The following SCAPER variants were observed in gnomAD, a reference collection of about 807,000 sequenced individuals.
The protein encoded by SCAPER is S-phase cyclin A associated protein in the ER, also known as S phase cyclin A-associated protein in the endoplasmic reticulum.
In SCAPER, 98 loss-of-function variants were observed where a neutral mutation model predicts 182.2. That is an observed-to-expected ratio of 0.54 (90% CI 0.46 to 0.64). SCAPER has a LOEUF of 0.64. Among genes scored for constraint, SCAPER ranks in the 30% least tolerant of loss-of-function variants. The pLI, the probability that SCAPER is intolerant of heterozygous loss-of-function variation, is 0.00. For synonymous variants in SCAPER, 605 were observed against 564.6 expected (o/e 1.07, Z -1.01); for missense variants, 1,432 against 1,690.0 (o/e 0.85, Z 2.68).
chr15:76,355,109 A>C (rs2040865946), intron 29 of SCAPER, among the ~76,000 whole-genome samples: 1 of 152,270 alleles, frequency 6.6e-6, no homozygotes, highest in South Asian at 2.1e-4. Flanking sequence ...CCAGAAGGAA[A>C]GAATGAAACA....
chr15:76,360,456 C>T (rs1247490431), intron 29 of SCAPER, among the ~76,000 whole-genome samples: 1 of 152,188 alleles, frequency 6.6e-6, no homozygotes, highest in African/African-American at 2.4e-5. Context: ...TCTTATTATT[C>T]CAAATGCTAG....
intron 26 of SCAPER, among the ~76,000 whole-genome samples, chr15:76,425,120 A>G (rs1427908190): frequency 6.6e-6 from 1 of 152,062 alleles, no homozygotes; most frequent in Non-Finnish European, 1.5e-5. Context: ...CTCGAGGAGT[A>G]TCTTTGTGGC....
At chr15:76,766,640 G>C (rs1006093297) in intron 11 of SCAPER, among the ~76,000 whole-genome samples, 12 of 152,066 alleles carry the variant, frequency 7.9e-5, no homozygotes, top group African/African-American at 2.9e-4. Flanking sequence ...AACCGGCCCA[G>C]ACTCAATTTC....
chr15:76,591,209 G>A (rs2049079064), intron 22 of SCAPER, among the ~76,000 whole-genome samples: 1 of 151,288 alleles, frequency 6.6e-6, no homozygotes, highest in Non-Finnish European at 1.5e-5. Flanking sequence ...AAAGAAAAAT[G>A]CAGGGTCCTT....
intron 8 of SCAPER, among the ~76,000 whole-genome samples, chr15:76,790,912 C>A (rs1598750850): frequency 6.6e-6 from 1 of 152,208 alleles, no homozygotes; most frequent in East Asian, 1.9e-4. Flanking sequence ...AGCTTTTCTT[C>A]TTTTCCAATG....
At chr15:76,574,385 T>G (rs1439837406) in intron 22 of SCAPER, 101 bp from the exon 23 acceptor site, 1 of 1,347,986 alleles carries the variant, frequency 7.4e-7, no homozygotes, top group Non-Finnish European at 1.0e-6. Flanking sequence ...AGTATTGGAT[T>G]TGAAAATGCT....
At chr15:76,378,195 C>A (rs1272330256) in intron 28 of SCAPER, among the ~76,000 whole-genome samples, 1 of 152,160 alleles carries the variant, frequency 6.6e-6, no homozygotes, top group Non-Finnish European at 1.5e-5. Context: ...TGCATTCGAA[C>A]CCAAATCATC....
chr15:76,714,838 A>G (rs1053412259), intron 17 of SCAPER, among the ~76,000 whole-genome samples: 18 of 152,216 alleles, frequency 1.2e-4, no homozygotes, highest in African/African-American at 4.3e-4. Flanking sequence ...ATCAAATTGA[A>G]GTGGAGCTTA....
At chr15:76,533,176 C>T (rs941023040) in intron 23 of SCAPER, among the ~76,000 whole-genome samples, 1 of 151,976 alleles carries the variant, frequency 6.6e-6, no homozygotes, top group African/African-American at 2.4e-5. Context: ...GCTGGCTTTG[C>T]GGAGTGGGTA....
At position 76,526,308 on chromosome 15, in the gene SCAPER, T is replaced by C. The variant is rs143859474; in HGVS notation, c.2839-21334A>G. On this transcript the variant is annotated intron_variant, in intron 23 of 31. Coordinates refer to ENST00000563290, the MANE Select transcript of SCAPER (RefSeq NM_020843.4). Reference sequence around the variant, plus strand: ...TATGCATTTTGAACATATTGCTGTATTGGTTTTTGGCAGCTCTTATCGCTA... The same window carrying C: ...TATGCATTTTGAACATATTGCTGTACTGGTTTTTGGCAGCTCTTATCGCTA... 2.8e-3 allele frequency among the ~76,000 whole-genome samples: 422 copies of C among 152,354 alleles called. 1 individual carries two copies. The highest frequency in any genetic ancestry group is 9.8e-3 in the African/African-American group (407 of 41,578).
At chr15:76,459,922 G>GA (rs1325220257) in intron 25 of SCAPER, among the ~76,000 whole-genome samples, 1 of 152,094 alleles carries the variant, frequency 6.6e-6, no homozygotes, top group East Asian at 1.9e-4. Flanking sequence ...ACTTACTAAA[G>GA]AGGGTGTCCA....
intron 26 of SCAPER, among the ~76,000 whole-genome samples, chr15:76,430,974 G>C (rs957493798): frequency 2.6e-5 from 4 of 152,112 alleles, no homozygotes; most frequent in African/African-American, 9.7e-5. Flanking sequence ...TGCTGTTCTC[G>C]TGATAGTGAA....
At chr15:76,522,310 GGA>G (rs1005270428) in intron 23 of SCAPER, among the ~76,000 whole-genome samples, 4 of 152,092 alleles carry the variant, frequency 2.6e-5, no homozygotes, top group African/African-American at 4.8e-5. Flanking sequence ...TGAATTTGGT[GGA>G]GAGATACTTC....
intron 15 of SCAPER, among the ~76,000 whole-genome samples, chr15:76,739,889 AG>A (rs1178704149): frequency 6.6e-6 from 1 of 152,238 alleles, no homozygotes; most frequent in African/African-American, 2.4e-5. Context: ...ATAATGGGCC[AG>A]GCACAGCTGC....
At chr15:76,397,409 C>T (rs2044139633) in intron 27 of SCAPER, among the ~76,000 whole-genome samples, 1 of 147,428 alleles carries the variant, frequency 6.8e-6, no homozygotes, top group Admixed American at 6.8e-5. Context: ...ATTAGTTGTT[C>T]TTTAAATGTT....
intron 21 of SCAPER, among the ~76,000 whole-genome samples, chr15:76,631,616 A>C (rs1459724901): frequency 6.6e-6 from 1 of 152,102 alleles, no homozygotes; most frequent in African/African-American, 2.4e-5. Flanking sequence ...ACTGACCCCC[A>C]ATCTTTTCTG....
At chr15:76,901,303 T>C (rs927639104) in intron 1 of SCAPER, among the ~76,000 whole-genome samples, 3 of 152,250 alleles carry the variant, frequency 2.0e-5, no homozygotes, top group African/African-American at 7.2e-5. Context: ...AGATTTTCAA[T>C]TCTGATTACT....
At chr15:76,712,858 T>G (rs2059666359) in intron 17 of SCAPER, among the ~76,000 whole-genome samples, 1 of 152,136 alleles carries the variant, frequency 6.6e-6, no homozygotes, top group Non-Finnish European at 1.5e-5. Context: ...TGGGGTTTTC[T>G]AGATATACAA....
At chr15:76,779,610 A>C (rs913873295) in intron 8 of SCAPER, among the ~76,000 whole-genome samples, 1 of 152,130 alleles carries the variant, frequency 6.6e-6, no homozygotes, top group Non-Finnish European at 1.5e-5. Flanking sequence ...TCAACTAAAA[A>C]CTTTTTAAAA....
Sources: allele counts gnomAD v4.1 joint callset (sites outside exome capture counted in the v4.1 genomes callset), GRCh38; gene constraint gnomAD v4.1.1; transcripts MANE v1.5; gene names NCBI Gene and HGNC (gene_info 2026-07-23, HGNC 2026-07-21).